The following CCDC38 variants were observed in gnomAD, a reference collection of about 807,000 sequenced individuals.
CCDC38 encodes coiled-coil domain containing 38, also known as coiled-coil domain-containing protein 38.
In CCDC38, 69 loss-of-function variants were observed where a neutral mutation model predicts 72.8. That is an observed-to-expected ratio of 0.95 (90% CI 0.78 to 1.16). The LOEUF (loss-of-function observed/expected upper bound fraction) is 1.16, where lower values mean the gene tolerates loss of function less well. CCDC38 is among the 50% of genes most tolerant of loss of function. The pLI is 0.00. For synonymous variants in CCDC38, 201 were observed against 213.2 expected, an observed-to-expected ratio of 0.94 and a Z score of 0.50; for missense variants, 626 against 638.9, an observed-to-expected ratio of 0.98 and a Z score of 0.22.
chr12:95,880,602 G>A (rs1461093558), intron 11 of CCDC38, among the ~76,000 whole-genome samples: 1 of 151,262 alleles, frequency 6.6e-6, no homozygotes, highest in Non-Finnish European at 1.5e-5. Context: ...TCAGTGAGCT[G>A]AGATCGTGCC....
chr12:95,916,379 G>GCCTGCCTGCTTTCCTTCCTTCCTT (rs1457231674), intron 4 of CCDC38, among the ~76,000 whole-genome samples: 2 of 147,348 alleles, frequency 1.4e-5, no homozygotes, highest in Non-Finnish European at 3.0e-5. Flanking sequence ...TTGCCTGCCT[G>GCCTGCCTGCTTTCCTTCCTTCCTT]CCTTCCTTCC....
intron 10 of CCDC38, among the ~76,000 whole-genome samples, chr12:95,883,410 C>CT (rs1215262206): frequency 2.0e-5 from 3 of 152,132 alleles, no homozygotes; most frequent in Non-Finnish European, 2.9e-5. Flanking sequence ...CCTTGAGCCT[C>CT]TCCCCCTTTT....
chr12:95,931,624 C>T (rs1014658818), intron 2 of CCDC38, among the ~76,000 whole-genome samples: 4 of 152,154 alleles, frequency 2.6e-5, no homozygotes, highest in Non-Finnish European at 2.9e-5. Context: ...CAACTATGTG[C>T]CAGGTAGTGT....
Position 95,869,534 on chromosome 12 carries a change from T to C in CCDC38, c.1524A>G (p.Gln508=), listed in dbSNP as rs574827238. 4 of 1,613,638 alleles carry C rather than the reference T, an allele frequency of 2.5e-6. No individual in the cohort carries two copies. Among genetic ancestry groups the C allele is most frequent in the Non-Finnish European group, 3.4e-6 (4 of 1,179,900 alleles). ...CCAGAGCAGCTTTTAGCCTTTCCTG[T>C]TGGTGTCTTTGTTTTTCTTTCATTT... The part of the protein sequence containing the change: ...DEKMKEKQRH[Q]QERLKAALEK... The change falls in exon 15 of 16, where the codon CAA becomes CAG. Residue 508 remains glutamine (Q), a synonymous_variant. Coordinates refer to ENST00000344280, the MANE Select transcript of CCDC38 (RefSeq NM_182496.3).
chr12:95,919,805 A>C (rs1040599352), intron 2 of CCDC38: 2 of 289,024 alleles, frequency 6.9e-6, no homozygotes, highest in African/African-American at 4.3e-5. Flanking sequence ...CAGATTAGAG[A>C]GTCTTAAAAA....
At chr12:95,943,080 T>C, upstream of CCDC38, 1 of 294,168 alleles carries the variant, frequency 3.4e-6, no homozygotes, top group Non-Finnish European at 6.3e-6. Flanking sequence ...CACTTTGATC[T>C]CTCGGGGTGA....
intron 8 of CCDC38, 91 bp from the exon 9 acceptor site, chr12:95,891,021 T>C (rs1256505713): frequency 1.2e-5 from 8 of 695,522 alleles, no homozygotes; most frequent in Admixed American, 7.4e-5. Flanking sequence ...AGGGTGAAGA[T>C]AGAGTTATTG....
chr12:95,912,130 T>G (rs186525868), intron 4 of CCDC38, among the ~76,000 whole-genome samples: 1 of 152,190 alleles, frequency 6.6e-6, no homozygotes, highest in Non-Finnish European at 1.5e-5. Context: ...AAGCAAATAC[T>G]GCATGTTCTC....
chr12:95,928,228 T>C (rs1046281588), intron 2 of CCDC38, among the ~76,000 whole-genome samples: 1 of 152,136 alleles, frequency 6.6e-6, no homozygotes, highest in Non-Finnish European at 1.5e-5. Flanking sequence ...CTTGGAGGCT[T>C]TGCTCGTTTC....
At chr12:95,937,817 G>T (rs1189904687) in intron 1 of CCDC38, among the ~76,000 whole-genome samples, 1 of 152,178 alleles carries the variant, frequency 6.6e-6, no homozygotes, top group Non-Finnish European at 1.5e-5. Context: ...CCTACTATGT[G>T]TCAGGCACTG....
chr12:95,898,898 G>C (rs1435305035), intron 5 of CCDC38, among the ~76,000 whole-genome samples, 167 bp from the exon 6 acceptor site: 2 of 152,200 alleles, frequency 1.3e-5, no homozygotes, highest in Non-Finnish European at 2.9e-5. Flanking sequence ...GGGATAATTA[G>C]AGGGGAGACT....
At chr12:95,888,401 T>A in intron 10 of CCDC38, 57 bp downstream of exon 10, 1 of 1,478,812 alleles carries the variant, frequency 6.8e-7, no homozygotes, top group Non-Finnish European at 9.5e-7. Context: ...GCTTTAAAAG[T>A]TATTTGCTGA....
intron 3 of CCDC38, among the ~76,000 whole-genome samples, chr12:95,918,349 G>C (rs1337376368): frequency 6.6e-6 from 1 of 152,098 alleles, no homozygotes; most frequent in Non-Finnish European, 1.5e-5. Flanking sequence ...ATCCATATCT[G>C]ATTCTTGAAG....
At position 95,878,267 on chromosome 12, in the gene CCDC38, C is replaced by A; in HGVS notation, c.1222G>T (p.Glu408Ter). 2 of 1,613,668 alleles carry A rather than the reference C, an allele frequency of 1.2e-6. No homozygotes were observed. The highest frequency in any genetic ancestry group is 1.7e-6 in the Non-Finnish European group (2 of 1,179,810). ...AAGAGCTTGGACTTTAATTGCAATT[C>A]TGCTGCTTTCTCTTCTTCTCTCACA... Reference protein sequence around the residue: ...NCVREEEKAAELQLKSKLFSF... With the variant: ...NCVREEEKAA Residue 408 changes from glutamate to a stop codon, truncating the protein, a stop_gained, in exon 13 of 16, where the codon GAA (glutamate) becomes TAA (stop). Transcript: ENST00000344280. LOFTEE classifies it high-confidence loss of function.
chr12:95,879,573 G>C lies in CCDC38; in HGVS notation c.1142+71C>G. On this transcript the variant is annotated intron_variant, in intron 12 of 15. Transcript: ENST00000344280. This position sits in a 1 kb window ranked among gnomAD's most constrained non-coding sequence, Gnocchi z 5.5. ...GAGACCACGAGGAAGAGCCACATGTGAGTGAGTTGGACCCAGGCTCTGGTT... is the reference window on the plus strand; with the variant it reads ...GAGACCACGAGGAAGAGCCACATGTCAGTGAGTTGGACCCAGGCTCTGGTT... 2 of 1,068,576 alleles carry C rather than the reference G, an allele frequency of 1.9e-6. No individual in the cohort carries two copies. The highest frequency in any genetic ancestry group is 2.7e-6 in the Non-Finnish European group (2 of 730,588). The allele number at this position is 1,068,576 out of a possible 1,614,324, so 66.2% of individuals were successfully genotyped here.
At chr12:95,882,349 T>G (rs1001773412) in intron 10 of CCDC38, among the ~76,000 whole-genome samples, 20 of 152,018 alleles carry the variant, frequency 1.3e-4, no homozygotes, top group Non-Finnish European at 2.6e-4. Context: ...CTTGGGGCCA[T>G]GAGAGAAGAG....
At chr12:95,906,348 T>C in intron 5 of CCDC38, 39 bp downstream of exon 5, 1 of 1,334,370 alleles carries the variant, frequency 7.5e-7, no homozygotes, top group Non-Finnish European at 1.1e-6. Context: ...ATGAAAGAAG[T>C]CTTCCACTTG....
intron 3 of CCDC38, among the ~76,000 whole-genome samples, chr12:95,917,836 A>T (rs1019957379): frequency 6.2e-5 from 9 of 144,892 alleles, no homozygotes; most frequent in Non-Finnish European, 1.3e-4. Context: ...ACACCACCGC[A>T]CTCCAGCCTG....
At chr12:95,910,102 A>T (rs188975926) in intron 4 of CCDC38, among the ~76,000 whole-genome samples, 1 of 152,332 alleles carries the variant, frequency 6.6e-6, no homozygotes, top group African/African-American at 2.4e-5. Context: ...GAAAAGAGGA[A>T]GTCAAATTAT....
Sources: gnomAD v4.1 joint callset for allele counts (sites outside exome capture counted in the v4.1 genomes callset) on GRCh38, gnomAD v4.1.1 for gene constraint, Gnocchi (gnomAD v3.1) non-coding constraint, MANE v1.5 for transcripts, NCBI Gene and HGNC (gene_info 2026-07-23, HGNC 2026-07-21) for gene names.